Variants in RHOH observed in about 807,000 individuals in gnomAD.
The protein encoded by RHOH is rho-related GTP-binding protein RhoH.
Under a neutral mutation model 13.8 loss-of-function variants are expected in RHOH, and 6 were observed. That is an observed-to-expected ratio of 0.44 (90% CI 0.24 to 0.86). RHOH has a LOEUF of 0.86. Ranked by LOEUF, RHOH falls within the 40% of genes least tolerant of loss-of-function variation. The probability of loss-of-function intolerance (pLI) is 0.24; values close to 1 mark genes in which losing one functional copy is unlikely to be tolerated. For synonymous variants in RHOH, 117 were observed against 103.0 expected, an observed-to-expected ratio of 1.14 and a Z score of -0.82; for missense variants, 147 against 244.5, an observed-to-expected ratio of 0.60 and a Z score of 2.66.
intron 1 of RHOH, among the ~76,000 whole-genome samples, chr4:40,238,378 C>T (rs978234205): frequency 6.6e-6 from 1 of 152,154 alleles, no homozygotes; most frequent in Non-Finnish European, 1.5e-5. Context: ...TTAGCATGGC[C>T]GTTAGAATTG....
intron 1 of RHOH, among the ~76,000 whole-genome samples, chr4:40,213,059 C>T (rs549435982): frequency 4.2e-4 from 64 of 152,242 alleles, no homozygotes; most frequent in African/African-American, 1.4e-3. Context: ...AAGTGAGAGG[C>T]CCAGAACACT....
intron 1 of RHOH, among the ~76,000 whole-genome samples, chr4:40,206,291 C>G (rs1724625352): frequency 6.6e-6 from 1 of 152,312 alleles, no homozygotes. Flanking sequence ...ACAACCCTTA[C>G]TACGAACCTT....
At chr4:40,214,313 A>G (rs1725632136) in intron 1 of RHOH, among the ~76,000 whole-genome samples, 1 of 152,124 alleles carries the variant, frequency 6.6e-6, no homozygotes, top group Admixed American at 6.6e-5. Context: ...TTTGGGGATT[A>G]CCCTCTGGTA....
At chr4:40,201,888 A>T (rs1724035929) in intron 1 of RHOH, among the ~76,000 whole-genome samples, 1 of 151,972 alleles carries the variant, frequency 6.6e-6, no homozygotes, top group African/African-American at 2.4e-5. Context: ...TAGCAGCAAA[A>T]TCTGAAAATA....
In RHOH at chr4:40,243,334, G is replaced by A; in HGVS notation, c.-53G>A. 2 of 1,487,348 alleles carry A rather than the reference G, an allele frequency of 1.3e-6. No individual in the cohort carries two copies. The highest frequency in any genetic ancestry group is 2.1e-5 in the Admixed American group (1 of 46,966). The allele number at this position is 1,487,348 out of a possible 1,614,324, so 92.1% of individuals were successfully genotyped here. Reference sequence around the variant, plus strand: ...GGCGTGTGCTGCAGCTGCCCACTGAGGGCTCTTTTCCCTGGGATTCTGGAC... The same window carrying A: ...GGCGTGTGCTGCAGCTGCCCACTGAAGGCTCTTTTCCCTGGGATTCTGGAC... On this transcript the variant is annotated 5_prime_UTR_variant, in exon 3 of 3. Coordinates refer to ENST00000381799, the MANE Select transcript of RHOH (RefSeq NM_004310.5). This position sits in a 1 kb window ranked among gnomAD's most constrained non-coding sequence, Gnocchi z 6.2.
intron 1 of RHOH, among the ~76,000 whole-genome samples, chr4:40,212,082 G>A (rs1725336710): frequency 6.6e-6 from 1 of 152,194 alleles, no homozygotes; most frequent in South Asian, 2.1e-4. Flanking sequence ...AGGCTGCCCT[G>A]ACTTCACTAC....
intron 1 of RHOH, among the ~76,000 whole-genome samples, chr4:40,198,489 C>T (rs1028006617): frequency 9.2e-5 from 14 of 152,230 alleles, no homozygotes; most frequent in Non-Finnish European, 1.8e-4. Context: ...CCTGCGGCTG[C>T]GCTTCCTCGG....
In RHOH at chr4:40,222,640, A is replaced by G. The variant is rs144843430; in HGVS notation, c.-330-20074A>G. ...CATGGACAACGCACCTAGTCACCCA[A>G]GAGCTCTGATGGAGATGTACAAGGA... On this transcript the variant is annotated intron_variant, in intron 1 of 2. Coordinates refer to ENST00000381799, the MANE Select transcript of RHOH (RefSeq NM_004310.5). Among the ~76,000 whole-genome samples the G allele has an allele frequency of 2.8e-3, 433 of 152,370 alleles. 1 individual carries two copies. Among genetic ancestry groups the G allele is most frequent in the African/African-American group, 9.7e-3 (405 of 41,592 alleles).
At chr4:40,237,630 C>T (rs978932952) in intron 1 of RHOH, among the ~76,000 whole-genome samples, 2 of 151,592 alleles carry the variant, frequency 1.3e-5, no homozygotes, top group African/African-American at 2.4e-5. Flanking sequence ...GACTTCCTGG[C>T]CATTTAATTG....
intron 1 of RHOH, among the ~76,000 whole-genome samples, chr4:40,209,946 T>C (rs923680608): frequency 7.2e-5 from 11 of 152,338 alleles, no homozygotes; most frequent in African/African-American, 2.4e-4. Context: ...ATCTAAAAGT[T>C]TGTTAATTCA....
At chr4:40,195,160 T>G (rs1490619286), upstream of RHOH, among the ~76,000 whole-genome samples, 2 of 152,202 alleles carry the variant, frequency 1.3e-5, no homozygotes, top group Non-Finnish European at 2.9e-5. Context: ...GGCCTCATTT[T>G]CAAATTTCTT....
upstream of RHOH, among the ~76,000 whole-genome samples, chr4:40,192,498 G>A (rs78755830): frequency 1.5e-3 from 226 of 152,270 alleles, 2 homozygotes; most frequent in Non-Finnish European, 2.8e-3. Context: ...AAGAGTTTTC[G>A]CTGGCGTAAG....
chr4:40,199,923 A>T (rs1723739602), intron 1 of RHOH, among the ~76,000 whole-genome samples: 2 of 152,210 alleles, frequency 1.3e-5, no homozygotes, highest in Non-Finnish European at 2.9e-5. Context: ...TCCACCTGGC[A>T]TGTTAATTGT....
In RHOH at chr4:40,239,749, G is replaced by A. The variant is rs1054348579; in HGVS notation, c.-330-2965G>A. Among the ~76,000 whole-genome samples the A allele has an allele frequency of 5.9e-5, 9 of 151,958 alleles. No individual in the cohort carries two copies. The East Asian group carries it at 1.7e-3, about 29-fold the overall frequency. Reference sequence around the variant, plus strand: ...CAAAAATTAGCCAGGCGTGGTGGTGGTGCCTGTAATCCCAGCTACTCGGGA... The same window carrying A: ...CAAAAATTAGCCAGGCGTGGTGGTGATGCCTGTAATCCCAGCTACTCGGGA... On this transcript the variant is annotated intron_variant, in intron 1 of 2. Transcript: ENST00000381799.
intron 1 of RHOH, chr4:40,240,002 G>A (rs1729059813): frequency 1.3e-5 from 2 of 152,230 alleles, no homozygotes; most frequent in Admixed American, 6.5e-5. Flanking sequence ...GGCTTAAGGA[G>A]GTTAAGAAAA....
chr4:40,219,865 G>A (rs1726335773), intron 1 of RHOH, among the ~76,000 whole-genome samples: 1 of 152,130 alleles, frequency 6.6e-6, no homozygotes, highest in Non-Finnish European at 1.5e-5. Flanking sequence ...TTGCAGCAAA[G>A]TAGTATGCTG....
chr4:40,199,231 A>G (rs1248713074), intron 1 of RHOH, among the ~76,000 whole-genome samples: 2 of 152,164 alleles, frequency 1.3e-5, no homozygotes, highest in African/African-American at 4.8e-5. Flanking sequence ...GCCTGACTGA[A>G]AAAAAAATCT....
At chr4:40,233,148 A>G (rs2109523811) in intron 1 of RHOH, among the ~76,000 whole-genome samples, 1 of 152,342 alleles carries the variant, frequency 6.6e-6, no homozygotes, top group Non-Finnish European at 1.5e-5. Flanking sequence ...TGTGCCAGGC[A>G]CTATTCAATG....
At chr4:40,232,251 G>T (rs118083012) in intron 1 of RHOH, among the ~76,000 whole-genome samples, 1 of 152,134 alleles carries the variant, frequency 6.6e-6, no homozygotes, top group Admixed American at 6.5e-5. Context: ...TTGAGACAGG[G>T]TCTTGCTTTG....
Sources: gnomAD v4.1 joint callset for allele counts (sites outside exome capture counted in the v4.1 genomes callset) on GRCh38, gnomAD v4.1.1 for gene constraint, Gnocchi (gnomAD v3.1) non-coding constraint, MANE v1.5 for transcripts, NCBI Gene and HGNC (gene_info 2026-07-23, HGNC 2026-07-21) for gene names.